The following TRPC4 variants were observed in gnomAD, a reference collection of about 807,000 sequenced individuals.
TRPC4 encodes the protein short transient receptor potential channel 4.
In TRPC4, 49 loss-of-function variants were observed where a neutral mutation model predicts 99.4. That is an observed-to-expected ratio of 0.49 (90% CI 0.39 to 0.63). TRPC4 has a LOEUF of 0.63. Among genes scored for constraint, TRPC4 ranks in the 20% least tolerant of loss-of-function variants. The pLI is 0.00. For missense variants in TRPC4, 898 were observed against 1,152.9 expected (o/e 0.78, Z 3.20); for synonymous variants, 454 against 425.9 (o/e 1.07, Z -0.81).
intron 1 of TRPC4, among the ~76,000 whole-genome samples, chr13:37,787,949 T>C (rs1371987990): frequency 1.3e-5 from 2 of 152,108 alleles, no homozygotes; most frequent in Non-Finnish European, 2.9e-5. Context: ...TTCCCATTTT[T>C]AAAACACACA....
chr13:37,666,247 G>T (rs1323431995), intron 5 of TRPC4, among the ~76,000 whole-genome samples: 4 of 152,124 alleles, frequency 2.6e-5, no homozygotes, highest in African/African-American at 9.7e-5. Flanking sequence ...TCAGCTGCAC[G>T]GTATGAGTTC....
chr13:37,662,575 T>C (rs1352047039), intron 6 of TRPC4, among the ~76,000 whole-genome samples: 1 of 152,220 alleles, frequency 6.6e-6, no homozygotes, highest in African/African-American at 2.4e-5. Context: ...TCTTATAGTA[T>C]ACAAGATTCT....
chr13:37,752,987 C>G (rs1016079697), intron 2 of TRPC4, among the ~76,000 whole-genome samples: 3 of 151,526 alleles, frequency 2.0e-5, no homozygotes, highest in African/African-American at 7.3e-5. Flanking sequence ...CACACACACA[C>G]ACACGCACAC....
chr13:37,707,181 C>T (rs1427076903), intron 3 of TRPC4, among the ~76,000 whole-genome samples: 3 of 152,062 alleles, frequency 2.0e-5, no homozygotes, highest in South Asian at 4.1e-4. Flanking sequence ...TTTTTATAAT[C>T]CTTAGTCTCT....
chr13:37,858,194 G>A (rs1959189914), intron 1 of TRPC4, among the ~76,000 whole-genome samples: 1 of 151,652 alleles, frequency 6.6e-6, no homozygotes, highest in Non-Finnish European at 1.5e-5. Context: ...TAAGAGAAAT[G>A]CAAATCAAAA....
intron 1 of TRPC4, among the ~76,000 whole-genome samples, chr13:37,792,804 G>T (rs1385464984): frequency 1.3e-5 from 2 of 151,042 alleles, no homozygotes; most frequent in Non-Finnish European, 2.9e-5. Flanking sequence ...GCTTAAATTT[G>T]GATGCATATA....
intron 1 of TRPC4, among the ~76,000 whole-genome samples, chr13:37,826,066 G>T (rs1958195764): frequency 7.3e-6 from 1 of 137,172 alleles, no homozygotes; most frequent in Admixed American, 7.7e-5. Flanking sequence ...TTGGCTTAAA[G>T]TCTGTTTTAT....
At chr13:37,685,794 A>G (rs1953452364) in intron 4 of TRPC4, among the ~76,000 whole-genome samples, 1 of 152,090 alleles carries the variant, frequency 6.6e-6, no homozygotes, top group South Asian at 2.1e-4. Flanking sequence ...TTTCCCTCCA[A>G]TAAAGAAATC....
Position 37,841,929 on chromosome 13 carries a change from A to G in TRPC4, c.-28+27666T>C, listed in dbSNP as rs77422314. Among the ~76,000 whole-genome samples the G allele has an allele frequency of 8.9e-3, 1,358 of 152,258 alleles. 35 individuals carry two copies. The East Asian group carries it at 0.1, about 11-fold the overall frequency. ...AATGAAGACTTACATTCAAACAGAC[A>G]TCTTAAAATCATAAAATTTTATTTA... On this transcript the variant is annotated intron_variant, in intron 1 of 10. Transcript: ENST00000379705.
At chr13:37,848,134 T>C (rs1467855868) in intron 1 of TRPC4, among the ~76,000 whole-genome samples, 2 of 152,162 alleles carry the variant, frequency 1.3e-5, no homozygotes, top group Non-Finnish European at 2.9e-5. Flanking sequence ...CATCATAAGC[T>C]GAGGAGCATC....
At chr13:37,822,681 T>C (rs1180597302) in intron 1 of TRPC4, among the ~76,000 whole-genome samples, 2 of 152,116 alleles carry the variant, frequency 1.3e-5, no homozygotes, top group East Asian at 1.9e-4. Flanking sequence ...TGTTGGACAT[T>C]TGGGTTGGTT....
chr13:37,668,081 T>C (rs1029177625), intron 5 of TRPC4, among the ~76,000 whole-genome samples: 4 of 152,212 alleles, frequency 2.6e-5, no homozygotes, highest in African/African-American at 9.6e-5. Context: ...ATTAGGATCC[T>C]GCTGATCAGA....
intron 4 of TRPC4, among the ~76,000 whole-genome samples, chr13:37,676,297 T>C (rs1284696800): frequency 6.7e-6 from 1 of 148,328 alleles, no homozygotes; most frequent in African/African-American, 2.5e-5. Flanking sequence ...AAGAGAGACA[T>C]TTTGCATACA....
chr13:37,699,466 A>G (rs887669450), intron 3 of TRPC4, among the ~76,000 whole-genome samples: 1 of 152,236 alleles, frequency 6.6e-6, no homozygotes, highest in Non-Finnish European at 1.5e-5. Context: ...AATACCAATA[A>G]GATAACTAGT....
At chr13:37,865,840 T>G (rs1250420869) in intron 1 of TRPC4, among the ~76,000 whole-genome samples, 1 of 151,754 alleles carries the variant, frequency 6.6e-6, no homozygotes, top group African/African-American at 2.4e-5. Flanking sequence ...TTTCATAAAT[T>G]TCATCTTTCT....
chr13:37,827,292 C>A (rs1158156715), intron 1 of TRPC4, among the ~76,000 whole-genome samples: 6 of 152,188 alleles, frequency 3.9e-5, no homozygotes, highest in Non-Finnish European at 7.3e-5. Context: ...CATTCTCCAT[C>A]CAGCTTTGTT....
intron 1 of TRPC4, among the ~76,000 whole-genome samples, chr13:37,802,915 C>T (rs1297738434): frequency 6.6e-6 from 1 of 151,966 alleles, no homozygotes; most frequent in Non-Finnish European, 1.5e-5. Context: ...TTCCCTCATT[C>T]CTTCTACAAT....
At chr13:37,835,706 T>A (rs538824132) in intron 1 of TRPC4, among the ~76,000 whole-genome samples, 63 of 152,294 alleles carry the variant, frequency 4.1e-4, no homozygotes, top group African/African-American at 1.1e-3. Context: ...ATGTTTTGTA[T>A]CCTAGCTATT....
chr13:37,664,659 T>C (rs543794115), intron 5 of TRPC4, among the ~76,000 whole-genome samples: 2 of 152,296 alleles, frequency 1.3e-5, no homozygotes, highest in East Asian at 3.9e-4. Flanking sequence ...AACTGAATAA[T>C]AAATTGAATT....
Sources: gnomAD v4.1 joint callset for allele counts (sites outside exome capture counted in the v4.1 genomes callset) on GRCh38, gnomAD v4.1.1 for gene constraint, MANE v1.5 for transcripts, NCBI Gene and HGNC (gene_info 2026-07-23, HGNC 2026-07-21) for gene names.